SLIT2: variants seen among roughly 807,000 people sequenced by gnomAD.
SLIT2 encodes slit homolog 2 protein.
SLIT2 carries 41 observed loss-of-function variants against 185.7 expected under a neutral mutation model. That is an observed-to-expected ratio of 0.22 (90% CI 0.17 to 0.29). The LOEUF (loss-of-function observed/expected upper bound fraction) is 0.29, where lower values mean the gene tolerates loss of function less well. Ranked by LOEUF, SLIT2 falls within the 10% of genes least tolerant of loss-of-function variation. The pLI is 1.00. For synonymous variants in SLIT2, 693 were observed against 680.2 expected, an observed-to-expected ratio of 1.02 and a Z score of -0.29; for missense variants, 1,571 against 1,909.0, an observed-to-expected ratio of 0.82 and a Z score of 3.30.
chr4:20,415,137 C>T (rs954282958), intron 4 of SLIT2, among the ~76,000 whole-genome samples: 11 of 152,098 alleles, frequency 7.2e-5, no homozygotes, highest in Non-Finnish European at 1.5e-4. Flanking sequence ...ACTGGCTGTG[C>T]GCGGTGGCCC....
At chr4:20,393,836 C>G (rs1002306810) in intron 4 of SLIT2, among the ~76,000 whole-genome samples, 2 of 151,966 alleles carry the variant, frequency 1.3e-5, no homozygotes, top group Non-Finnish European at 1.5e-5. Flanking sequence ...TCAAGCTGAA[C>G]TGCGTGGGTT....
intron 5 of SLIT2, among the ~76,000 whole-genome samples, chr4:20,479,982 T>G (rs2148776632): frequency 6.6e-6 from 1 of 152,332 alleles, no homozygotes; most frequent in Non-Finnish European, 1.5e-5. Flanking sequence ...AAATTGTTAT[T>G]TAATACTTAA....
At chr4:20,508,808 T>A (rs1327982018) in intron 9 of SLIT2, among the ~76,000 whole-genome samples, 2 of 152,066 alleles carry the variant, frequency 1.3e-5, no homozygotes, top group South Asian at 4.1e-4. Flanking sequence ...TAATATCAAA[T>A]GTTACAGTGA....
intron 4 of SLIT2, among the ~76,000 whole-genome samples, chr4:20,381,490 T>C (rs1427414382): frequency 1.3e-5 from 2 of 152,196 alleles, no homozygotes; most frequent in African/African-American, 4.8e-5. Flanking sequence ...TCATGTTCAG[T>C]TTGAACAACT....
At chr4:20,257,566 C>CTA (rs1191742581) in intron 2 of SLIT2, among the ~76,000 whole-genome samples, 5 of 151,942 alleles carry the variant, frequency 3.3e-5, no homozygotes, top group Admixed American at 6.6e-5. Flanking sequence ...TCAAAGAAAG[C>CTA]TATCAAAGCT....
At chr4:20,376,711 G>A (rs573814156) in intron 4 of SLIT2, among the ~76,000 whole-genome samples, 240 of 152,154 alleles carry the variant, frequency 1.6e-3, no homozygotes, top group Non-Finnish European at 2.1e-3. Context: ...GGATGAGTTC[G>A]TGTCCTTTGC....
chr4:20,414,268 G>A (rs1332927798), intron 4 of SLIT2, among the ~76,000 whole-genome samples: 1 of 152,084 alleles, frequency 6.6e-6, no homozygotes, highest in Admixed American at 6.6e-5. Flanking sequence ...TTCCAATACA[G>A]CTTGTGTCCC....
chr4:20,404,354 C>G (rs1011987093), intron 4 of SLIT2, among the ~76,000 whole-genome samples: 3 of 151,838 alleles, frequency 2.0e-5, no homozygotes, highest in African/African-American at 7.3e-5. Context: ...GTAGCATAGT[C>G]ATTATAAACT....
At chr4:20,522,241 C>T (rs2148846668) in intron 12 of SLIT2, among the ~76,000 whole-genome samples, 1 of 152,226 alleles carries the variant, frequency 6.6e-6, no homozygotes, top group Non-Finnish European at 1.5e-5. Flanking sequence ...CATTGCAACT[C>T]ATCTATAAAA....
intron 8 of SLIT2, among the ~76,000 whole-genome samples, chr4:20,489,671 C>A (rs1209814105): frequency 1.3e-5 from 2 of 152,164 alleles, no homozygotes; most frequent in Non-Finnish European, 2.9e-5. Context: ...GTAATTCTAG[C>A]TACTTGGGAG....
intron 29 of SLIT2, among the ~76,000 whole-genome samples, chr4:20,585,012 G>A (rs1726931891): frequency 1.3e-5 from 2 of 151,878 alleles, no homozygotes; most frequent in South Asian, 2.1e-4. Flanking sequence ...CCAAGATCAC[G>A]ACACTGCACT....
At chr4:20,400,750 G>A (rs918522167) in intron 4 of SLIT2, among the ~76,000 whole-genome samples, 4 of 151,678 alleles carry the variant, frequency 2.6e-5, no homozygotes, top group East Asian at 1.9e-4. Context: ...AGTTAAAGAA[G>A]GAGGAACTAA....
chr4:20,483,521 C>G (rs1197822502), intron 6 of SLIT2, among the ~76,000 whole-genome samples: 2 of 151,950 alleles, frequency 1.3e-5, no homozygotes, highest in Non-Finnish European at 2.9e-5. Flanking sequence ...TGAAATATAT[C>G]CCTTGAATTG....
chr4:20,328,194 A>C (rs1577440277), intron 4 of SLIT2, among the ~76,000 whole-genome samples: 1 of 152,204 alleles, frequency 6.6e-6, no homozygotes, highest in Admixed American at 6.6e-5. Context: ...ATTGTAAGTA[A>C]ATTTTGAATA....
At chr4:20,457,887 G>A (rs568176599) in intron 4 of SLIT2, among the ~76,000 whole-genome samples, 4 of 152,222 alleles carry the variant, frequency 2.6e-5, no homozygotes, top group East Asian at 1.9e-4. Flanking sequence ...GGAATAGATC[G>A]GAGCATTTGA....
intron 4 of SLIT2, among the ~76,000 whole-genome samples, chr4:20,353,469 T>C (rs1722045202): frequency 6.6e-6 from 1 of 152,266 alleles, no homozygotes; most frequent in African/African-American, 2.4e-5. Context: ...AAATATTCTT[T>C]ATGAATTACA....
chr4:20,585,855 C>T (rs1328292731), intron 29 of SLIT2, among the ~76,000 whole-genome samples: 2 of 152,158 alleles, frequency 1.3e-5, no homozygotes, highest in Non-Finnish European at 2.9e-5. Context: ...AGTACTAGCT[C>T]TGACTACACT....
At chr4:20,299,113 A>G (rs1560295498) in intron 4 of SLIT2, among the ~76,000 whole-genome samples, 2 of 152,114 alleles carry the variant, frequency 1.3e-5, no homozygotes, top group Admixed American at 1.3e-4. Context: ...GTTTTCCCCA[A>G]TATTTTATAT....
chr4:20,365,388 C>G (rs1338398172), intron 4 of SLIT2, among the ~76,000 whole-genome samples: 1 of 152,150 alleles, frequency 6.6e-6, no homozygotes, highest in Non-Finnish European at 1.5e-5. Flanking sequence ...ATCATCTTTA[C>G]TATGTGAACG....
Sources: allele counts gnomAD v4.1 joint callset (sites outside exome capture counted in the v4.1 genomes callset), GRCh38; gene constraint gnomAD v4.1.1; transcripts MANE v1.5; gene names NCBI Gene and HGNC (gene_info 2026-07-23, HGNC 2026-07-21).